EPB41L5: variants seen among roughly 807,000 people sequenced by gnomAD.
EPB41L5 encodes erythrocyte membrane protein band 4.1 like 5.
A neutral mutation model predicts 106.6 loss-of-function variants in EPB41L5; 55 were observed. That is an observed-to-expected ratio of 0.52 (90% confidence interval 0.42 to 0.65). The LOEUF (loss-of-function observed/expected upper bound fraction) is 0.65, where lower values mean the gene tolerates loss of function less well. EPB41L5 is among the 30% of genes least tolerant of loss of function. The pLI is 0.00. For missense variants in EPB41L5, 871 were observed against 882.1 expected, an observed-to-expected ratio of 0.99 and a Z score of 0.16; for synonymous variants, 297 against 306.7, an observed-to-expected ratio of 0.97 and a Z score of 0.33.
chr2:120,076,618 G>C (rs1045139653), intron 7 of EPB41L5, among the ~76,000 whole-genome samples: 3 of 151,438 alleles, frequency 2.0e-5, no homozygotes, highest in Non-Finnish European at 4.4e-5. Context: ...ATTCTTAATA[G>C]ATGCCAGTTA....
In EPB41L5 at chr2:120,178,147, C is replaced by CA. The variant is rs1295372126; in HGVS notation, c.*3241dup. 1 of 152,528 alleles carries CA rather than the reference C, an allele frequency of 6.6e-6. No homozygotes were observed. Among genetic ancestry groups the CA allele is most frequent in the Admixed American group, 6.5e-5 (1 of 15,290 alleles). The allele number at this position is 152,528 out of a possible 1,614,324, so 9.4% of individuals were successfully genotyped here. A position where few individuals can be genotyped will look rare whatever the true frequency, so the allele number is the denominator to read the frequency against. ...CGCAGTACAGCAGCAGCAGCCCCAG[C>CA]ACAGCTGTGTTCCTGCGGAGTCCCC... On this transcript the variant is annotated 3_prime_UTR_variant, in exon 25 of 25. Transcript: ENST00000263713.
chr2:120,178,408 C>T lies in EPB41L5; in HGVS notation c.*3501C>T, dbSNP rs968490773. ...GCTCCCACTGTTGTGGGTGTCTCAGCTCTGAGGGTCTTTGTGAGCTCCCAC... is the reference window on the plus strand; with the variant it reads ...GCTCCCACTGTTGTGGGTGTCTCAGTTCTGAGGGTCTTTGTGAGCTCCCAC... On this transcript the variant is annotated 3_prime_UTR_variant, in exon 25 of 25. Coordinates refer to ENST00000263713, the MANE Select transcript of EPB41L5 (RefSeq NM_020909.4). 5 of 151,772 alleles carry T rather than the reference C, an allele frequency of 3.3e-5. No individual in the cohort carries two copies. The highest frequency in any genetic ancestry group is 9.7e-5 in the African/African-American group (4 of 41,146). The allele number at this position is 151,772 out of a possible 1,614,324, so 9.4% of individuals were successfully genotyped here. A position where few individuals can be genotyped will look rare whatever the true frequency, so the allele number is the denominator to read the frequency against.
At chr2:120,019,773 A>G (rs1235476354) in intron 2 of EPB41L5, among the ~76,000 whole-genome samples, 2 of 152,216 alleles carry the variant, frequency 1.3e-5, no homozygotes, top group African/African-American at 4.8e-5. Context: ...GTGAAGTGAG[A>G]AAAAGGACTT....
Position 120,174,846 on chromosome 2 carries a change from G to A in EPB41L5, c.2141G>A (p.Gly714Asp). 1.9e-6 allele frequency: 3 copies of A among 1,614,064 alleles called. No individual in the cohort carries two copies. Among genetic ancestry groups the A allele is most frequent in the South Asian group, 1.1e-5 (1 of 91,088 alleles). ...CCATTCTCTCTTCCTTTCAGCTCTG[G>A]TCCCATTTTGGCAGAAGAAGCTGTC... ...PFLVDAVTSS[G>D]PILAEEAVLK... is the part of the protein sequence containing the mutation. Residue 714 changes from glycine (G) to aspartate (D), a missense_variant, in exon 25 of 25, where the codon GGT becomes GAT. By Grantham distance (94) the Gly-to-Asp change is moderately conservative. Transcript: ENST00000263713.
intron 2 of EPB41L5, among the ~76,000 whole-genome samples, chr2:120,032,185 A>G (rs535062201): frequency 2.0e-5 from 3 of 152,262 alleles, no homozygotes; most frequent in Admixed American, 6.5e-5. Flanking sequence ...GTTCCAGACC[A>G]GCCTGGCCAA....
intron 3 of EPB41L5, among the ~76,000 whole-genome samples, chr2:120,055,078 T>C (rs1680555921): frequency 6.6e-6 from 1 of 152,030 alleles, no homozygotes; most frequent in Admixed American, 6.6e-5. Context: ...GTTGGCAGGC[T>C]GGTCCCAAAC....
intron 24 of EPB41L5, among the ~76,000 whole-genome samples, chr2:120,171,251 CAAAAT>C (rs964873982): frequency 2.0e-5 from 3 of 152,040 alleles, no homozygotes; most frequent in African/African-American, 4.8e-5. Context: ...GGAGTAGAAA[CAAAAT>C]AAAAAGCAAG....
chr2:120,057,653 G>A (rs1278705215), intron 3 of EPB41L5, among the ~76,000 whole-genome samples: 1 of 144,980 alleles, frequency 6.9e-6, no homozygotes, highest in Non-Finnish European at 1.5e-5. Context: ...TTTTTTTGCT[G>A]TTGGTACAAC....
chr2:120,056,932 T>A (rs565652274), intron 3 of EPB41L5, among the ~76,000 whole-genome samples: 2 of 152,320 alleles, frequency 1.3e-5, no homozygotes, highest in African/African-American at 2.4e-5. Flanking sequence ...GGTCTCACTT[T>A]GTCACCCAGG....
chr2:120,128,256 A>AACACACACAAAC (rs1553511744), intron 17 of EPB41L5, among the ~76,000 whole-genome samples: 1 of 145,440 alleles, frequency 6.9e-6, no homozygotes, highest in East Asian at 2.0e-4. Context: ...GGTGCTTTAA[A>AACACACACAAAC]ACACACACAC....
At chr2:120,043,613 C>T (rs1679570045) in intron 3 of EPB41L5, among the ~76,000 whole-genome samples, 1 of 151,706 alleles carries the variant, frequency 6.6e-6, no homozygotes, top group Non-Finnish European at 1.5e-5. Flanking sequence ...CGGTGCATGC[C>T]TCTAGTTCCA....
At chr2:120,039,578 C>T (rs554522048) in intron 2 of EPB41L5, among the ~76,000 whole-genome samples, 2 of 152,156 alleles carry the variant, frequency 1.3e-5, no homozygotes, top group Admixed American at 6.5e-5. Context: ...GTAATCCCAG[C>T]ACTTTGGGAG....
At chr2:120,101,087 G>T (rs192898543) in intron 16 of EPB41L5, among the ~76,000 whole-genome samples, 2 of 152,110 alleles carry the variant, frequency 1.3e-5, no homozygotes, top group Non-Finnish European at 2.9e-5. Context: ...AAATAAATCT[G>T]CCCTTATTAG....
At chr2:120,083,550 A>G (rs1198764208) in intron 10 of EPB41L5, among the ~76,000 whole-genome samples, 3 of 152,018 alleles carry the variant, frequency 2.0e-5, no homozygotes, top group African/African-American at 7.2e-5. Flanking sequence ...GAATAAGTGC[A>G]ATGTGGTGCT....
At chr2:120,165,986 A>AC (rs1687387237) in intron 22 of EPB41L5, among the ~76,000 whole-genome samples, 1 of 151,322 alleles carries the variant, frequency 6.6e-6, no homozygotes, top group Non-Finnish European at 1.5e-5. Context: ...AAAAAAAAAA[A>AC]AAAAAAAACA....
intron 18 of EPB41L5, among the ~76,000 whole-genome samples, chr2:120,138,564 G>A (rs1453833864): frequency 6.6e-6 from 1 of 151,710 alleles, no homozygotes; most frequent in Non-Finnish European, 1.5e-5. Context: ...GAAAAAATCA[G>A]GAAAGTAATC....
chr2:120,061,630 G>T (rs112615843), intron 3 of EPB41L5, among the ~76,000 whole-genome samples: 4 of 152,130 alleles, frequency 2.6e-5, no homozygotes, highest in Non-Finnish European at 5.9e-5. Context: ...GGGATGACAG[G>T]CATGAGCCAC....
At position 120,162,332 on chromosome 2, in the gene EPB41L5, A is replaced by G. The variant is rs552911306; in HGVS notation, c.1887+1358A>G. 6.6e-5 allele frequency among the ~76,000 whole-genome samples: 10 copies of G among 152,358 alleles called. No individual in the cohort carries two copies. The South Asian group carries it at 2.1e-3, about 32-fold the overall frequency. On this transcript the variant is annotated intron_variant, in intron 21 of 24. Coordinates refer to ENST00000263713, the MANE Select transcript of EPB41L5 (RefSeq NM_020909.4). ...TTGCCAATGAATGTTTTAATTTGCA[A>G]GTTAAATTAAAAATTGCCCTTGCAT... is the stretch of plus-strand genomic sequence containing the variant.
chr2:120,072,977 G>T lies in EPB41L5; in HGVS notation c.286-201G>T, dbSNP rs183548402. On this transcript the variant is annotated intron_variant, in intron 3 of 24. Transcript: ENST00000263713. The stretch of plus-strand genomic sequence containing the variant: ...CAGGTTTTAGGTCGTTTTTGTTCAC[G>T]TGTGTCATAAGCTTGCTATGGTGGA... Among the ~76,000 whole-genome samples, 10 of 150,498 alleles carry T rather than the reference G, an allele frequency of 6.6e-5. No individual in the cohort carries two copies. The East Asian group carries it at 1.9e-3, about 29-fold the overall frequency.
Sources: gnomAD v4.1 joint callset for allele counts (sites outside exome capture counted in the v4.1 genomes callset) on GRCh38, gnomAD v4.1.1 for gene constraint, MANE v1.5 for transcripts, NCBI Gene and HGNC (gene_info 2026-07-23, HGNC 2026-07-21) for gene names.